F5: variants seen among roughly 807,000 people sequenced by gnomAD.
F5 encodes the protein coagulation factor V.
F5 carries 138 observed loss-of-function variants against 216.4 expected under a neutral mutation model. The observed-to-expected ratio is 0.64, with a 90% CI of 0.56 to 0.73. The LOEUF is 0.73. Ranked by LOEUF, F5 falls within the 30% of genes least tolerant of loss-of-function variation. The pLI, the probability that F5 is intolerant of heterozygous loss-of-function variation, is 0.00. For missense variants in F5, 2,403 were observed against 2,674.0 expected, an observed-to-expected ratio of 0.90 and a Z score of 2.24; for synonymous variants, 916 against 930.7, an observed-to-expected ratio of 0.98 and a Z score of 0.29.
chr1:169,533,550 C>T (rs770831372), intron 14 of F5, among the ~76,000 whole-genome samples: 2 of 151,828 alleles, frequency 1.3e-5, no homozygotes, highest in African/African-American at 2.4e-5. Context: ...ATTGAACAAG[C>T]GAAATACAAA....
intron 3 of F5, among the ~76,000 whole-genome samples, chr1:169,567,727 G>A (rs1660639144): frequency 6.6e-6 from 1 of 152,046 alleles, no homozygotes; most frequent in African/African-American, 2.4e-5. Context: ...CATCCACTAG[G>A]TTCCAGGCTC....
rs1661013759 is a variant in F5 at position 169,582,533 on chromosome 1, A to G, written c.159-11T>C. 2.1e-6 allele frequency: 3 copies of G among 1,454,332 alleles called. No individual in the cohort carries two copies. Among genetic ancestry groups the G allele is most frequent in the Non-Finnish European group, 2.9e-6 (3 of 1,039,974 alleles). The allele number at this position is 1,454,332 out of a possible 1,614,324, so 90.1% of individuals were successfully genotyped here. A position where few individuals can be genotyped will look rare whatever the true frequency, so the allele number is the denominator to read the frequency against. ...ACAGAAAGATTCAAACTGGAAATAA[A>G]ATACAAAAACTAATTTGAAAGGCAT... On this transcript the variant is annotated splice_polypyrimidine_tract_variant and intron_variant, in intron 1 of 24. Transcript: ENST00000367797.
chr1:169,561,136 T>C (rs528570031), intron 3 of F5, among the ~76,000 whole-genome samples: 15 of 152,270 alleles, frequency 9.9e-5, no homozygotes, highest in African/African-American at 3.6e-4. Context: ...TAATAAGACA[T>C]ACTTAGCCTA....
At chr1:169,528,313 A>G (rs1659506452) in intron 16 of F5, among the ~76,000 whole-genome samples, 1 of 152,222 alleles carries the variant, frequency 6.6e-6, no homozygotes, top group Non-Finnish European at 1.5e-5. Context: ...AGCCTACAGC[A>G]GAAGGCAGGG....
intron 23 of F5, 67 bp downstream of exon 23, chr1:169,518,345 G>T: frequency 6.4e-7 from 1 of 1,566,840 alleles, no homozygotes; most frequent in Non-Finnish European, 8.8e-7. Context: ...CTCCATGTTT[G>T]TGGTAGTGAG....
At chr1:169,576,298 C>A (rs1262117902) in intron 2 of F5, among the ~76,000 whole-genome samples, 4 of 152,180 alleles carry the variant, frequency 2.6e-5, no homozygotes, top group Non-Finnish European at 5.9e-5. Context: ...TCTTTCCCTA[C>A]CCCTGTCTTG....
chr1:169,543,968 G>A (rs1017621773), intron 12 of F5, among the ~76,000 whole-genome samples: 1 of 152,142 alleles, frequency 6.6e-6, no homozygotes, highest in Non-Finnish European at 1.5e-5. Flanking sequence ...GCAAAAAACC[G>A]AATAGGGCAT....
rs1659057492 is a variant in F5 at position 169,512,677 on chromosome 1, C to A, written c.*1636G>T. Among the ~76,000 whole-genome samples, 1 of 151,972 alleles carries A rather than the reference C, an allele frequency of 6.6e-6. No homozygotes were observed. Among genetic ancestry groups the A allele is most frequent in the Non-Finnish European group, 1.5e-5 (1 of 67,964 alleles). On this transcript the variant is annotated 3_prime_UTR_variant, in exon 25 of 25. Coordinates refer to ENST00000367797, the MANE Select transcript of F5 (RefSeq NM_000130.5). ...CTTAGAAATGTTGATGGGACAATGA[C>A]ATGAATCATGAAAAGAAAGGAATAG...
intron 7 of F5, 103 bp from the exon 8 acceptor site, chr1:169,552,837 C>A: frequency 1.2e-6 from 1 of 830,708 alleles, no homozygotes; most frequent in Non-Finnish European, 2.0e-6. Context: ...GATTAGCTAA[C>A]ATACTAGTTC....
chr1:169,585,702 C>G (rs938947715), intron 1 of F5, among the ~76,000 whole-genome samples: 4 of 152,010 alleles, frequency 2.6e-5, no homozygotes, highest in African/African-American at 7.3e-5. Flanking sequence ...CAAAAACATA[C>G]AAGAACTGAT....
intron 11 of F5, among the ~76,000 whole-genome samples, chr1:169,544,979 A>C (rs1359742984): frequency 6.6e-6 from 1 of 152,204 alleles, no homozygotes; most frequent in East Asian, 1.9e-4. Flanking sequence ...CACAGTTTCC[A>C]TTTGAGTATC....
Position 169,512,881 on chromosome 1 carries a change from G to A in F5, c.*1432C>T, listed in dbSNP as rs886045536. Among the ~76,000 whole-genome samples, 16 of 152,136 alleles carry A rather than the reference G, an allele frequency of 1.1e-4. No individual in the cohort carries two copies. The highest frequency in any genetic ancestry group is 6.8e-3 in the Middle Eastern group (2 of 294). On this transcript the variant is annotated 3_prime_UTR_variant, in exon 25 of 25. Transcript: ENST00000367797. ...ATGCAGTTCCCTTCTACACTGAATC[G>A]AGACTGGCCTGTAATTTGTGTTCAC...
intron 3 of F5, among the ~76,000 whole-genome samples, chr1:169,569,730 A>T (rs1040375984): frequency 6.6e-6 from 1 of 152,074 alleles, no homozygotes; most frequent in Non-Finnish European, 1.5e-5. Flanking sequence ...CATTCTGTCA[A>T]AAAGGGTTAT....
At position 169,560,694 on chromosome 1, in the gene F5, G is replaced by A. The variant is rs763354263; in HGVS notation, c.446C>T (p.Thr149Ile). Residue 149 changes from threonine to isoleucine, a missense_variant, in exon 4 of 25, where the codon ACC becomes ATC. Thr to Ile is a moderately conservative substitution (Grantham distance 89). Around this residue, in one of 4 missense-constraint regions of F5, gnomAD observed 1,425 missense variants for 1,554.8 expected, o/e 0.92. Transcript: ENST00000367797. ...GTCCTCACTGATACTCCATTCATAGGTGTATTCTCGGCCTGGAGCCACAGC... is the reference window on the plus strand; with the variant it reads ...GTCCTCACTGATACTCCATTCATAGATGTATTCTCGGCCTGGAGCCACAGC... ...DDAVAPGREY[T>I]YEWSISEDSG... The A allele has an allele frequency of 6.2e-7, 1 of 1,613,736 alleles. No individual in the cohort carries two copies. Among genetic ancestry groups the A allele is most frequent in the Admixed American group, 1.7e-5 (1 of 59,988 alleles).
intron 13 of F5, 90 bp from the exon 14 acceptor site, chr1:169,536,770 G>T: frequency 6.0e-6 from 6 of 993,896 alleles, no homozygotes; most frequent in Non-Finnish European, 6.2e-6. Context: ...ATAGCATCTA[G>T]CATAGAGAAG....
chr1:169,518,998 C>G (rs1354883131), intron 22 of F5, among the ~76,000 whole-genome samples: 1 of 152,208 alleles, frequency 6.6e-6, no homozygotes, highest in Non-Finnish European at 1.5e-5. Context: ...CAAGAAGATA[C>G]AATGGACCCT....
intron 3 of F5, among the ~76,000 whole-genome samples, chr1:169,569,562 T>A (rs1013553231): frequency 6.6e-6 from 1 of 152,008 alleles, no homozygotes; most frequent in Admixed American, 6.6e-5. Flanking sequence ...AGTTACAGAG[T>A]TTCTGAAAAT....
chr1:169,518,310 T>A, intron 23 of F5, 102 bp downstream of exon 23: 1 of 1,417,122 alleles, frequency 7.1e-7, no homozygotes, highest in South Asian at 1.2e-5. Context: ...CAGAAACAGA[T>A]TAAAATACTC....
At position 169,586,430 on chromosome 1, in the gene F5, G is replaced by T; in HGVS notation, c.-44C>A. Reference sequence around the variant, plus strand: ...GCTGGCTGCCACCACCCCAGGACCTGGGCAGCGCTTGCCGAGCTGCTAACC... The same window carrying T: ...GCTGGCTGCCACCACCCCAGGACCTTGGCAGCGCTTGCCGAGCTGCTAACC... On this transcript the variant is annotated 5_prime_UTR_variant, in exon 1 of 25. Coordinates refer to ENST00000367797, the MANE Select transcript of F5 (RefSeq NM_000130.5). 3 of 1,595,364 alleles carry T rather than the reference G, an allele frequency of 1.9e-6. No individual in the cohort carries two copies. Among genetic ancestry groups the T allele is most frequent in the Non-Finnish European group, 2.6e-6 (3 of 1,174,492 alleles).
Sources: allele counts gnomAD v4.1 joint callset (sites outside exome capture counted in the v4.1 genomes callset), GRCh38; gene constraint gnomAD v4.1.1; regional missense constraint gnomAD v4.1.1; transcripts MANE v1.5; gene names NCBI Gene and HGNC (gene_info 2026-07-23, HGNC 2026-07-21).